Variants in TTN observed in about 807,000 individuals in gnomAD.
The protein encoded by TTN is titin.
A neutral mutation model predicts 3,223.0 loss-of-function variants in TTN; 1,525 were observed. The observed-to-expected ratio is 0.47, with a 90% confidence interval of 0.45 to 0.49. The LOEUF (loss-of-function observed/expected upper bound fraction) is 0.49. Among genes scored for constraint, TTN ranks in the 20% least tolerant of loss-of-function variants. The probability of loss-of-function intolerance (pLI) is 0.00; values close to 1 mark genes in which losing one functional copy is unlikely to be tolerated. For synonymous variants in TTN, 14,094 were observed against 15,161.0 expected (o/e 0.93, Z 5.17); for missense variants, 40,786 against 43,424.0 (o/e 0.94, Z 5.40).
Position 178,629,163 on chromosome 2 carries a change from A to T in TTN, c.44424+138T>A, listed in dbSNP as rs1576649294. 7.4e-6 allele frequency: 9 copies of T among 1,220,386 alleles called. No individual in the cohort carries two copies. The South Asian group carries it at 1.8e-4, about 24-fold the overall frequency. The allele number at this position is 1,220,386 out of a possible 1,614,324, so 75.6% of individuals were successfully genotyped here. A position where few individuals can be genotyped will look rare whatever the true frequency, so the allele number is the denominator to read the frequency against. On this transcript the variant is annotated intron_variant, in intron 240 of 362. Transcript: ENST00000589042. Reference sequence around the variant, plus strand: ...AAATTGGCTTTACAGTTTCAGCAGAAATCAGGCTAAAGGCGGAAAGAGAAA... The same window carrying T: ...AAATTGGCTTTACAGTTTCAGCAGATATCAGGCTAAAGGCGGAAAGAGAAA...
At chr2:178,702,365 A>C in intron 107 of TTN, 89 bp downstream of exon 107, 1 of 1,603,180 alleles carries the variant, frequency 6.2e-7, no homozygotes, top group Non-Finnish European at 8.5e-7. Context: ...TCTAGATAGA[A>C]TGAGAGCATG....
At chr2:178,774,830 C>T in intron 29 of TTN, 91 bp downstream of exon 29, 2 of 1,467,136 alleles carry the variant, frequency 1.4e-6, no homozygotes, top group Admixed American at 1.8e-5. Context: ...ATAATTGTTT[C>T]ATGAAAGAAA....
rs556907769 is a variant in TTN, at chr2:178,727,386, A to C, written c.19994-15T>G. On this transcript the variant is annotated splice_polypyrimidine_tract_variant and intron_variant, in intron 68 of 362. Coordinates refer to ENST00000589042, the MANE Select transcript of TTN (RefSeq NM_001267550.2). ...CTTTGGTGGTTCTAAAGAGTCAGGAAAGAGGAGAGTATCAGGGAACAGAAA... is the reference window on the plus strand; with the variant it reads ...CTTTGGTGGTTCTAAAGAGTCAGGACAGAGGAGAGTATCAGGGAACAGAAA... 14 of 1,565,780 alleles carry C rather than the reference A, an allele frequency of 8.9e-6. No homozygotes were observed. The highest frequency in any genetic ancestry group is 6.1e-5 in the South Asian group (5 of 81,674).
chr2:178,770,472 C>A lies in TTN; in HGVS notation c.8320G>T (p.Glu2774Ter), dbSNP rs763666119. Residue 2774 changes from glutamate (E) to a stop codon, truncating the protein, a stop_gained, in exon 35 of 363, where the codon GAG (glutamate) becomes TAG (stop). Transcript: ENST00000589042. LOFTEE classifies it high-confidence loss of function. ...LRIKNCAIVDESVYGFRLGRL... is the reference protein window; with the variant it reads ...LRIKNCAIVD ...CCAAGCCTGAAGCCATAAACAGACT[C>A]ATCCACGATGGCACAGTTTTTAATC... 6.2e-7 allele frequency: 1 copy of A among 1,614,148 alleles called. No homozygotes were observed. Among genetic ancestry groups the A allele is most frequent in the Non-Finnish European group, 8.5e-7 (1 of 1,180,010 alleles).
rs540900428 is a variant in TTN, at chr2:178,618,920, A to T, written c.46697-67T>A. ...CGTAGCCAAGCTACATCATGTTATTATGCATTTATTAGAAAATATTGGTTA... is the reference window on the plus strand; with the variant it reads ...CGTAGCCAAGCTACATCATGTTATTTTGCATTTATTAGAAAATATTGGTTA... On this transcript the variant is annotated intron_variant, in intron 250 of 362. Coordinates refer to ENST00000589042, the MANE Select transcript of TTN (RefSeq NM_001267550.2). 10 of 1,547,092 alleles carry T rather than the reference A, an allele frequency of 6.5e-6. No homozygotes were observed. In the South Asian group the frequency reaches 1.2e-4, roughly 19 times the overall value.
chr2:178,724,512 C>T lies in TTN; in HGVS notation c.20863G>A (p.Gly6955Arg), dbSNP rs2079001383. 6.2e-7 allele frequency: 1 copy of T among 1,601,802 alleles called. No individual in the cohort carries two copies. Among genetic ancestry groups the T allele is most frequent in the Non-Finnish European group, 8.5e-7 (1 of 1,171,402 alleles). ...TCTCCTACAGTCACCGTCATCGGTCCTGCCTTCTCAACAATGACTGCGGGC... is the reference window on the plus strand; with the variant it reads ...TCTCCTACAGTCACCGTCATCGGTCTTGCCTTCTCAACAATGACTGCGGGC... ...LEPAVIVEKA[G>R]PMTVTVGETC... Residue 6955 changes from glycine (G) to arginine (R), a missense_variant, in exon 72 of 363, where the codon GGA (glycine) becomes AGA (arginine). Gly to Arg is a moderately radical substitution (Grantham distance 125). Transcript: ENST00000589042.
chr2:178,762,921 G>T (rs2089586811), intron 43 of TTN, among the ~76,000 whole-genome samples: 1 of 152,098 alleles, frequency 6.6e-6, no homozygotes, highest in South Asian at 2.1e-4. Context: ...AATCAAATAG[G>T]TCTATTAGAT....
chr2:178,709,225 TA>T (rs1383046812), intron 99 of TTN, among the ~76,000 whole-genome samples: 1 of 152,122 alleles, frequency 6.6e-6, no homozygotes, highest in Admixed American at 6.6e-5. Context: ...TGATGAACAT[TA>T]AAAAAATTTC....
At position 178,664,331 on chromosome 2, in the gene TTN, C is replaced by G. The variant is rs747674743; in HGVS notation, c.36280+129G>C. On this transcript the variant is annotated intron_variant, in intron 168 of 362. Coordinates refer to ENST00000589042, the MANE Select transcript of TTN (RefSeq NM_001267550.2). ...GTTTGAAGATATTAATACATTTACA[C>G]TTGAGTTGCAAGAGTCAACACAGAC... The G allele has an allele frequency of 1.2e-5, 10 of 829,084 alleles. No homozygotes were observed. In the African/African-American group the frequency reaches 1.5e-4, roughly 13 times the overall value. 51.4% of individuals were successfully genotyped at this position (829,084 alleles called of 1,614,324 possible). A position where few individuals can be genotyped will look rare whatever the true frequency, so the allele number is the denominator to read the frequency against.
At position 178,570,943 on chromosome 2, in the gene TTN, G is replaced by A. The variant is rs2154168947; in HGVS notation, c.75189C>T (p.Asp25063=). The change falls in exon 326 of 363, where the codon GAC becomes GAT. Residue 25063 remains aspartate (D), a synonymous_variant. Coordinates refer to ENST00000589042, the MANE Select transcript of TTN (RefSeq NM_001267550.2). ...CTAGGCCAGTTACTTCAAAATGAGT[G>A]TCAATAATATTTGTAAAACTGGCTT... ...WMKASFTNII[D]THFEVTGLVE... The A allele has an allele frequency of 6.2e-7, 1 of 1,613,576 alleles. No individual in the cohort carries two copies. The highest frequency in any genetic ancestry group is 8.5e-7 in the Non-Finnish European group (1 of 1,179,618).
rs1263660973 is a variant in TTN, at chr2:178,598,005, T to A, written c.57165A>T (p.Glu19055Asp). Residue 19055 changes from glutamate (E) to aspartate (D), a missense_variant, in exon 293 of 363, where the codon GAA becomes GAT. Coordinates refer to ENST00000589042, the MANE Select transcript of TTN (RefSeq NM_001267550.2). ...TAACTCTAAATTTGTAGAATGCTCCTTCCTTTAATCCTGTCACAACAAGCT... is the reference window on the plus strand; with the variant it reads ...TAACTCTAAATTTGTAGAATGCTCCATCCTTTAATCCTGTCACAACAAGCT... Reference protein sequence around the residue: ...GTKLVVTGLKEGAFYKFRVRA... With the variant: ...GTKLVVTGLKDGAFYKFRVRA... 7 of 1,613,354 alleles carry A rather than the reference T, an allele frequency of 4.3e-6. No individual in the cohort carries two copies. In the African/African-American group the frequency reaches 6.7e-5, roughly 15 times the overall value.
At chr2:178,674,906 TTAA>T in intron 150 of TTN, 130 bp downstream of exon 150, 1 of 482,780 alleles carries the variant, frequency 2.1e-6, no homozygotes. Flanking sequence ...TTCTATTAGG[TTAA>T]TAATAATTTA....
rs1449445104 is a variant in TTN, at chr2:178,590,184, C to A, written c.61541G>T (p.Gly20514Val). The change falls in exon 304 of 363, where the codon GGC (glycine) becomes GTC (valine). Residue 20514 changes from glycine (G) to valine (V), a missense_variant. Physicochemically the swap from Gly to Val is moderately radical, Grantham distance 109 (BLOSUM62 -3). Transcript: ENST00000589042. ...CCTCTTTTCTCGGACCAATACTTTG[C>A]CTTCCTTAGTCCAAGTTATGTCTGG... ...PEPDITWTKE[G>V]KVLVREKRVD... 2 of 1,610,956 alleles carry A rather than the reference C, an allele frequency of 1.2e-6. No individual in the cohort carries two copies. Among genetic ancestry groups the A allele is most frequent in the Non-Finnish European group, 8.5e-7 (1 of 1,178,508 alleles).
rs1386348152 is a variant in TTN at position 178,732,453 on chromosome 2, G to C, written c.16608C>G (p.Asn5536Lys). 1 of 1,606,740 alleles carries C rather than the reference G, an allele frequency of 6.2e-7. No homozygotes were observed. The highest frequency in any genetic ancestry group is 2.2e-5 in the East Asian group (1 of 44,720). The change falls in exon 56 of 363, where the codon AAC becomes AAG. Residue 5536 changes from asparagine to lysine, a missense_variant. Transcript: ENST00000589042. ...AACAATGCAAACCTTTTACAAACAA[G>C]TTTGCACTGCATTCCACCCCTCCAG... ...NVAGGVECSA[N>K]LFVKEPATFV...
rs774764151 is a variant in TTN at position 178,782,259 on chromosome 2, G to C, written c.3333C>G (p.Pro1111=). Reference sequence around the variant, plus strand: ...CACCAGATTTTTTCCAGTATACATGGGGCTTTGGGTTGCCGCCAACTTGGC... The same window carrying C: ...CACCAGATTTTTTCCAGTATACATGCGGCTTTGGGTTGCCGCCAACTTGGC... ...FGCQVGGNPK[P]HVYWKKSGVP... is the part of the protein sequence containing the mutation. The change falls in exon 20 of 363, where the codon CCC becomes CCG. Residue 1111 remains proline, a synonymous_variant. Coordinates refer to ENST00000589042, the MANE Select transcript of TTN (RefSeq NM_001267550.2). 1.2e-6 allele frequency: 2 copies of C among 1,613,990 alleles called. No homozygotes were observed. The highest frequency in any genetic ancestry group is 1.1e-5 in the South Asian group (1 of 91,070).
In TTN at chr2:178,598,785, A is replaced by G; in HGVS notation, c.56925T>C (p.Ser18975=). 1 of 1,613,420 alleles carries G rather than the reference A, an allele frequency of 6.2e-7. No individual in the cohort carries two copies. The highest frequency in any genetic ancestry group is 8.5e-7 in the Non-Finnish European group (1 of 1,179,542). ...AINAAGVGPA[S]LPSDPATARD... ...TAGCAGTCGCTGGGTCTGATGGCAG[A>G]CTTGCTGGACCCACGCCAGCAGCAT... Residue 18975 remains serine (S), a synonymous_variant, in exon 291 of 363, where the codon AGT becomes AGC. Transcript: ENST00000589042.
chr2:178,713,143 T>C lies in TTN; in HGVS notation c.26991A>G (p.Thr8997=), dbSNP rs61232800. The change falls in exon 93 of 363, where the codon ACA becomes ACG. Residue 8997 remains threonine, a synonymous_variant. Coordinates refer to ENST00000589042, the MANE Select transcript of TTN (RefSeq NM_001267550.2). ...AACCAGCCATATTAGTAGCTATACA[T>C]GTGTAGTCACCACTGTCTGATTCTT... ...MLEESDSGDY[T]CIATNMAGSD... is the part of the protein sequence containing the mutation. 7,412 of 1,613,814 alleles carry C rather than the reference T, an allele frequency of 4.6e-3. 232 individuals carry two copies. The African/African-American group carries it at 0.077, about 17-fold the overall frequency.
chr2:178,618,564 T>C lies in TTN; in HGVS notation c.46966+20A>G. 1 of 1,608,562 alleles carries C rather than the reference T, an allele frequency of 6.2e-7. No individual in the cohort carries two copies. Among genetic ancestry groups the C allele is most frequent in the Non-Finnish European group, 8.5e-7 (1 of 1,178,204 alleles). ...TAAATTGTGCTTTGCCAATTAAGTCTGAGAGACCCAAGGGCTTACCAATAA... is the reference window on the plus strand; with the variant it reads ...TAAATTGTGCTTTGCCAATTAAGTCCGAGAGACCCAAGGGCTTACCAATAA... On this transcript the variant is annotated intron_variant, in intron 251 of 362. Coordinates refer to ENST00000589042, the MANE Select transcript of TTN (RefSeq NM_001267550.2).
intron 67 of TTN, 52 bp downstream of exon 67, chr2:178,728,058 A>G (rs2079662837): frequency 6.7e-7 from 1 of 1,494,950 alleles, no homozygotes; most frequent in Non-Finnish European, 8.9e-7. Context: ...AGAGTGATAC[A>G]TTTAAGAAGC....
Sources: allele counts gnomAD v4.1 joint callset (sites outside exome capture counted in the v4.1 genomes callset), GRCh38; gene constraint gnomAD v4.1.1; transcripts MANE v1.5; gene names NCBI Gene and HGNC (gene_info 2026-07-23, HGNC 2026-07-21).